Variants in DAB1 observed in about 807,000 individuals in gnomAD.
DAB1 encodes the protein disabled homolog 1.
DAB1 carries 15 observed loss-of-function variants against 64.6 expected under a neutral mutation model. The ratio of observed to expected loss-of-function variants is 0.23; its 90% CI spans 0.16 to 0.36. The LOEUF is 0.36. Ranked by LOEUF, DAB1 falls within the 10% of genes least tolerant of loss-of-function variation. The pLI, the probability that DAB1 is intolerant of heterozygous loss-of-function variation, is 1.00. For synonymous variants in DAB1, 235 were observed against 251.9 expected, an observed-to-expected ratio of 0.93 and a Z score of 0.64; for missense variants, 596 against 706.7, an observed-to-expected ratio of 0.84 and a Z score of 1.78.
intron 7 of DAB1, among the ~76,000 whole-genome samples, chr1:57,534,348 G>A (rs558890189): frequency 6.6e-6 from 1 of 152,294 alleles, no homozygotes; most frequent in South Asian, 2.1e-4. Context: ...TGGATTTGAT[G>A]TGAGTCTGTG....
chr1:57,137,593 G>T (rs916831365), intron 3 of DAB1, among the ~76,000 whole-genome samples: 2 of 152,228 alleles, frequency 1.3e-5, no homozygotes, highest in Admixed American at 1.3e-4. Flanking sequence ...CTGAGGTGCT[G>T]TTGCTGACCA....
intron 2 of DAB1, among the ~76,000 whole-genome samples, chr1:57,251,684 AT>A (rs1669355271): frequency 6.6e-6 from 1 of 152,166 alleles, no homozygotes; most frequent in African/African-American, 2.4e-5. Context: ...AGAAAAAAAA[AT>A]CTTCCCTTTT....
rs1650729971 is a variant in DAB1, at chr1:57,064,670, T to G, written c.664-1727A>C. Among the ~76,000 whole-genome samples, 5 of 152,198 alleles carry G rather than the reference T, an allele frequency of 3.3e-5. No individual in the cohort carries two copies. The South Asian group carries it at 8.3e-4, about 25-fold the overall frequency. On this transcript the variant is annotated intron_variant, in intron 8 of 14. Transcript: ENST00000371236. ...GAGCCCAGGGAGTTTGCCATTTGAC[T>G]GCTATACTATTCAGACAGTTGTTTC...
rs142517876 is a variant in DAB1, at chr1:57,181,703, G to A, written c.68-36274C>T. Among the ~76,000 whole-genome samples the A allele has an allele frequency of 2.9e-3, 438 of 152,288 alleles. 1 individual carries two copies. Among genetic ancestry groups the A allele is most frequent in the African/African-American group, 0.01 (422 of 41,548 alleles). ...TTGCTGCCTAAAATTAAGTACAAAT[G>A]TGTATGCAAGCAGGAATAAGGAAGT... is the stretch of plus-strand genomic sequence containing the variant. On this transcript the variant is annotated intron_variant, in intron 2 of 14. Coordinates refer to ENST00000371236, the MANE Select transcript of DAB1 (RefSeq NM_001365792.1).
intron 7 of DAB1, among the ~76,000 whole-genome samples, chr1:57,648,124 G>A (rs1646215146): frequency 6.6e-6 from 1 of 152,176 alleles, no homozygotes; most frequent in Admixed American, 6.5e-5. Context: ...TCAGAGAATA[G>A]CTTTGTGGAT....
intron 4 of DAB1, among the ~76,000 whole-genome samples, chr1:58,212,232 C>T (rs1557697649): frequency 6.6e-6 from 1 of 152,152 alleles, no homozygotes; most frequent in African/African-American, 2.4e-5. Flanking sequence ...AGATTGAATG[C>T]CCACTAGGTG....
At chr1:58,300,674 A>G (rs1662147741) in intron 4 of DAB1, among the ~76,000 whole-genome samples, 1 of 135,568 alleles carries the variant, frequency 7.4e-6, no homozygotes, top group Non-Finnish European at 1.5e-5. Flanking sequence ...GGAAGGAAGG[A>G]AGGAAGGAAG....
chr1:57,082,812 G>T (rs1652678919), intron 4 of DAB1, among the ~76,000 whole-genome samples: 1 of 152,136 alleles, frequency 6.6e-6, no homozygotes, highest in East Asian at 1.9e-4. Flanking sequence ...GTTTGCCGAG[G>T]ATAACAGCTT....
At chr1:57,084,882 G>T (rs143953792) in intron 4 of DAB1, among the ~76,000 whole-genome samples, 1 of 152,118 alleles carries the variant, frequency 6.6e-6, no homozygotes, top group Non-Finnish European at 1.5e-5. Context: ...TGAGGTGGTG[G>T]GCTGAGCTCT....
chr1:57,460,969 T>C (rs1027201178), intron 7 of DAB1, among the ~76,000 whole-genome samples: 2 of 152,206 alleles, frequency 1.3e-5, no homozygotes, highest in African/African-American at 2.4e-5. Context: ...TGTGCCATGG[T>C]GGTTTGCTGT....
chr1:57,732,783 G>A (rs2101776610), intron 6 of DAB1, among the ~76,000 whole-genome samples: 1 of 152,316 alleles, frequency 6.6e-6, no homozygotes, highest in South Asian at 2.1e-4. Flanking sequence ...GAACAGGAGA[G>A]AGGAGAGACT....
chr1:58,490,283 T>C (rs1381207606), intron 3 of DAB1, among the ~76,000 whole-genome samples: 3 of 152,134 alleles, frequency 2.0e-5, no homozygotes, highest in Non-Finnish European at 4.4e-5. Flanking sequence ...GCACAAGAAC[T>C]ACGTGACGAA....
At position 57,589,065 on chromosome 1, in the gene DAB1, G is replaced by T. The variant is rs146239721; in HGVS notation, n.625+60527C>A. 6.8e-3 allele frequency among the ~76,000 whole-genome samples: 1,040 copies of T among 152,174 alleles called. 11 individuals carry two copies. The highest frequency in any genetic ancestry group is 0.023 in the African/African-American group (962 of 41,536). On this transcript the variant is annotated intron_variant and non_coding_transcript_variant, in intron 7 of 20. Coordinates refer to the DAB1 transcript ENST00000485760. ...AGCCTGACCAAAATAGTGAAACCCT[G>T]TCTCTACTAAAAATACAAAAAATTA...
chr1:58,500,124 AG>A (rs1557442795), intron 3 of DAB1, among the ~76,000 whole-genome samples: 2 of 152,140 alleles, frequency 1.3e-5, no homozygotes, highest in Non-Finnish European at 2.9e-5. Flanking sequence ...TCCCCTCAAA[AG>A]CAATTTTTTC....
chr1:57,429,956 C>T (rs890143544), intron 7 of DAB1, among the ~76,000 whole-genome samples: 1 of 152,096 alleles, frequency 6.6e-6, no homozygotes, highest in Non-Finnish European at 1.5e-5. Context: ...TATAAGACTG[C>T]TTTATATATT....
intron 6 of DAB1, among the ~76,000 whole-genome samples, chr1:57,754,612 A>T (rs2101808108): frequency 6.6e-6 from 1 of 152,288 alleles, no homozygotes; most frequent in African/African-American, 2.4e-5. Flanking sequence ...CTTGAAAAAA[A>T]ACGGGAGGCG....
intron 5 of DAB1, among the ~76,000 whole-genome samples, chr1:57,930,153 T>C (rs1044090465): frequency 2.6e-5 from 4 of 152,212 alleles, no homozygotes; most frequent in Non-Finnish European, 5.9e-5. Context: ...AAAAAGACTA[T>C]CTTTTCTCCA....
intron 9 of DAB1, among the ~76,000 whole-genome samples, chr1:57,053,658 C>CTATATATATA (rs1339025481): frequency 1.7e-5 from 2 of 120,932 alleles, no homozygotes; most frequent in African/African-American, 6.6e-5. Flanking sequence ...CTCTCTCTCT[C>CTATATATATA]TCTATATGTA....
chr1:58,388,769 C>T (rs17117429), intron 3 of DAB1, among the ~76,000 whole-genome samples: 20,358 of 152,100 alleles, frequency 0.13, 2,079 homozygotes, highest in African/African-American at 0.28. Context: ...GGCTCTTTAC[C>T]GCAATTTTTT....
Sources: allele counts gnomAD v4.1 joint callset (sites outside exome capture counted in the v4.1 genomes callset), GRCh38; gene constraint gnomAD v4.1.1; transcripts MANE v1.5; gene names NCBI Gene and HGNC (gene_info 2026-07-23, HGNC 2026-07-21).